GABRG3: variants seen among roughly 807,000 people sequenced by gnomAD.
GABRG3 encodes the protein gamma-aminobutyric acid type A receptor subunit gamma3.
GABRG3 carries 25 observed loss-of-function variants against 48.8 expected under a neutral mutation model. That is an observed-to-expected ratio of 0.51 (90% CI 0.37 to 0.72). GABRG3 has a LOEUF of 0.72. Ranked by LOEUF, GABRG3 falls within the 30% of genes least tolerant of loss-of-function variation. The pLI is 0.00. For synonymous variants in GABRG3, 227 were observed against 217.6 expected (o/e 1.04, Z -0.38); for missense variants, 394 against 577.9 (o/e 0.68, Z 3.26).
chr15:27,244,254 A>G (rs1890211074), intron 3 of GABRG3, among the ~76,000 whole-genome samples: 2 of 152,190 alleles, frequency 1.3e-5, no homozygotes, highest in South Asian at 4.1e-4. Context: ...AAATATGTTA[A>G]CAGGTCTATT....
intron 3 of GABRG3, among the ~76,000 whole-genome samples, chr15:27,036,228 T>G (rs185756043): frequency 6.6e-6 from 1 of 152,264 alleles, no homozygotes; most frequent in East Asian, 1.9e-4. Flanking sequence ...AAGGTTTCCT[T>G]TATAGAATTT....
chr15:27,058,791 T>A (rs927366765), intron 3 of GABRG3, among the ~76,000 whole-genome samples: 1 of 152,220 alleles, frequency 6.6e-6, no homozygotes, highest in African/African-American at 2.4e-5. Flanking sequence ...AATTGATAAG[T>A]GATTAGCACT....
intron 3 of GABRG3, among the ~76,000 whole-genome samples, chr15:27,300,677 G>GC (rs1491345567): frequency 8.2e-4 from 10 of 12,222 alleles, no homozygotes; most frequent in African/African-American, 3.7e-3. Context: ...AAATAAATAA[G>GC]CAAAAAAAAA....
chr15:27,252,336 C>T (rs1890484714), intron 3 of GABRG3, among the ~76,000 whole-genome samples: 1 of 152,160 alleles, frequency 6.6e-6, no homozygotes, highest in African/African-American at 2.4e-5. Flanking sequence ...GCTCCCAGAC[C>T]CCAGGCTGGG....
intron 3 of GABRG3, among the ~76,000 whole-genome samples, chr15:27,293,494 G>A (rs1246940203): frequency 6.8e-6 from 1 of 147,300 alleles, no homozygotes; most frequent in Non-Finnish European, 1.5e-5. Flanking sequence ...GGCCAACATG[G>A]CGAAACCCTG....
At chr15:27,408,320 T>C (rs980753097) in intron 5 of GABRG3, among the ~76,000 whole-genome samples, 1 of 152,166 alleles carries the variant, frequency 6.6e-6, no homozygotes, top group Non-Finnish European at 1.5e-5. Context: ...CCAGATGTAT[T>C]GAATATTAGT....
intron 2 of GABRG3, among the ~76,000 whole-genome samples, chr15:27,011,272 G>GATAA (rs2140666537): frequency 6.6e-6 from 1 of 152,220 alleles, no homozygotes; most frequent in African/African-American, 2.4e-5. Context: ...TCTTTATTGT[G>GATAA]ACGTGTACAA....
chr15:27,097,302 A>G (rs1221539036), intron 3 of GABRG3, among the ~76,000 whole-genome samples: 1 of 152,096 alleles, frequency 6.6e-6, no homozygotes, highest in East Asian at 1.9e-4. Flanking sequence ...AGGCAAGAGT[A>G]TGGGCTCCTG....
At chr15:27,249,385 C>T (rs933084639) in intron 3 of GABRG3, among the ~76,000 whole-genome samples, 10 of 152,306 alleles carry the variant, frequency 6.6e-5, no homozygotes, top group African/African-American at 2.4e-4. Flanking sequence ...GGTCGGGGGC[C>T]CCCACCTCAC....
In GABRG3 at chr15:27,537,833, TTTA is replaced by T. The variant is rs1891583994; in HGVS notation, c.*4955_*4957del. The T allele has an allele frequency of 6.7e-6, 1 of 149,846 alleles. No individual in the cohort carries two copies. Among genetic ancestry groups the T allele is most frequent in the African/African-American group, 2.4e-5 (1 of 41,068 alleles). The allele number at this position is 149,846 out of a possible 1,614,324, so 9.3% of individuals were successfully genotyped here. A position where few individuals can be genotyped will look rare whatever the true frequency, so the allele number is the denominator to read the frequency against. Reference sequence around the variant, plus strand: ...TTTTTATTATTTATTTATTTATTTATTTATTTATTTATTTATTTATTTTGAGAT... The same window carrying T: ...TTTTTATTATTTATTTATTTATTTATTTTATTTATTTATTTATTTTGAGAT... On this transcript the variant is annotated 3_prime_UTR_variant, in exon 10 of 10. Transcript: ENST00000615808.
chr15:27,006,776 A>G (rs1004550949), intron 2 of GABRG3, among the ~76,000 whole-genome samples: 4 of 151,664 alleles, frequency 2.6e-5, no homozygotes, highest in Middle Eastern at 3.2e-3. Flanking sequence ...CTGTTCCTGC[A>G]TTAGTTCACT....
chr15:27,318,267 G>A (rs963550086), intron 3 of GABRG3, among the ~76,000 whole-genome samples: 23 of 152,268 alleles, frequency 1.5e-4, no homozygotes, highest in African/African-American at 5.3e-4. Flanking sequence ...GGAAAGCCAC[G>A]TCATTTTTTT....
At position 27,352,942 on chromosome 15, in the gene GABRG3, G is replaced by A. The variant is rs946350280; in HGVS notation, c.574+24054G>A. ...TTGCTGACAATGAGCCATTGAAAGCGAGTGGATCGTTTGATGGTTGGGTGT... is the reference window on the plus strand; with the variant it reads ...TTGCTGACAATGAGCCATTGAAAGCAAGTGGATCGTTTGATGGTTGGGTGT... On this transcript the variant is annotated intron_variant, in intron 5 of 9. Transcript: ENST00000615808. The surrounding 1 kb of genome is among the most constrained non-coding windows in gnomAD (Gnocchi z 4.0). Among the ~76,000 whole-genome samples the A allele has an allele frequency of 1.3e-5, 2 of 152,176 alleles. No individual in the cohort carries two copies. The highest frequency in any genetic ancestry group is 4.8e-5 in the African/African-American group (2 of 41,428).
chr15:27,129,391 T>C (rs1595540648), intron 3 of GABRG3, among the ~76,000 whole-genome samples: 4 of 152,334 alleles, frequency 2.6e-5, no homozygotes, highest in East Asian at 1.9e-4. Context: ...CCTTCCTTTT[T>C]AAAGATGAAT....
rs1891600283 is a variant in GABRG3 at position 27,538,576 on chromosome 15, A to C, written c.*5695A>C. On this transcript the variant is annotated 3_prime_UTR_variant, in exon 10 of 10. Coordinates refer to ENST00000615808, the MANE Select transcript of GABRG3 (RefSeq NM_033223.5). ...TTTTCCAGCCCAGTGAGCAGGCTAC[A>C]CAATGTGAGGATGATAATGGTTCCT... The C allele has an allele frequency of 6.6e-6, 1 of 152,230 alleles. No individual in the cohort carries two copies. Among genetic ancestry groups the C allele is most frequent in the Non-Finnish European group, 1.5e-5 (1 of 68,046 alleles). The allele number at this position is 152,230 out of a possible 1,614,324, so 9.4% of individuals were successfully genotyped here.
chr15:27,303,395 C>A lies in GABRG3; in HGVS notation c.271-23414C>A, dbSNP rs28771249. 1.7e-4 allele frequency among the ~76,000 whole-genome samples: 25 copies of A among 151,348 alleles called. No homozygotes were observed. In the East Asian group the frequency reaches 4.7e-3, roughly 28 times the overall value. On this transcript the variant is annotated intron_variant, in intron 3 of 9. Transcript: ENST00000615808. ...AGGAACACAAACTATCAAAGCCTAC[C>A]CAAGATGAAATAGATCATAAGAATG... is the stretch of plus-strand genomic sequence containing the variant.
intron 3 of GABRG3, among the ~76,000 whole-genome samples, chr15:27,178,907 G>T (rs1177787210): frequency 1.3e-5 from 2 of 152,186 alleles, no homozygotes; most frequent in Non-Finnish European, 2.9e-5. Flanking sequence ...AGGGCAGAGG[G>T]AGTGGTACGT....
At chr15:27,286,162 C>A (rs1434910224) in intron 3 of GABRG3, among the ~76,000 whole-genome samples, 1 of 152,216 alleles carries the variant, frequency 6.6e-6, no homozygotes, top group African/African-American at 2.4e-5. Flanking sequence ...TTTCTGAATT[C>A]TTCCATGGAA....
chr15:27,036,105 G>A (rs1896173139), intron 3 of GABRG3, among the ~76,000 whole-genome samples: 1 of 152,232 alleles, frequency 6.6e-6, no homozygotes, highest in South Asian at 2.1e-4. Context: ...TGGTGTTCAT[G>A]AGGCTTCAGT....
Sources: allele counts gnomAD v4.1 joint callset (sites outside exome capture counted in the v4.1 genomes callset), GRCh38; gene constraint gnomAD v4.1.1; non-coding constraint Gnocchi (gnomAD v3.1); transcripts MANE v1.5; gene names NCBI Gene and HGNC (gene_info 2026-07-23, HGNC 2026-07-21).